DZIP3: variants seen among roughly 807,000 people sequenced by gnomAD.
DZIP3 encodes DAZ interacting zinc finger protein 3, also known as E3 ubiquitin-protein ligase DZIP3.
In DZIP3, 118 loss-of-function variants were observed where a neutral mutation model predicts 162.0. That is an observed-to-expected ratio of 0.73 (90% CI 0.63 to 0.85). The LOEUF is 0.85. DZIP3 is among the 40% of genes least tolerant of loss of function. The pLI, the probability that DZIP3 is intolerant of heterozygous loss-of-function variation, is 0.00. For missense variants in DZIP3, 1,331 were observed against 1,407.0 expected (o/e 0.95, Z 0.86); for synonymous variants, 438 against 458.6 (o/e 0.96, Z 0.57).
chr3:108,665,596 A>T (rs945932558), intron 21 of DZIP3, among the ~76,000 whole-genome samples: 2 of 152,196 alleles, frequency 1.3e-5, no homozygotes, highest in Non-Finnish European at 2.9e-5. Context: ...GATGAAATGT[A>T]TAAATTTACA....
intron 23 of DZIP3, 52 bp downstream of exon 23, chr3:108,672,708 G>A (rs551585264): frequency 7.4e-7 from 1 of 1,358,136 alleles, no homozygotes; most frequent in Non-Finnish European, 1.0e-6. Flanking sequence ...AGTTTTACTT[G>A]TATACCATCA....
At chr3:108,662,403 C>A in intron 21 of DZIP3, 146 bp downstream of exon 21, 1 of 1,036,910 alleles carries the variant, frequency 9.6e-7, no homozygotes, top group Non-Finnish European at 1.3e-6. Flanking sequence ...AAAAACCAAC[C>A]ATATTTTTGT....
At chr3:108,654,881 T>C (rs1365123741) in intron 19 of DZIP3, among the ~76,000 whole-genome samples, 1 of 152,180 alleles carries the variant, frequency 6.6e-6, no homozygotes, top group Non-Finnish European at 1.5e-5. Context: ...TTTTACCTAC[T>C]AATGAGAATT....
At chr3:108,633,547 T>C (rs1480029507) in intron 9 of DZIP3, among the ~76,000 whole-genome samples, 1 of 151,720 alleles carries the variant, frequency 6.6e-6, no homozygotes, top group Non-Finnish European at 1.5e-5. Context: ...TGAAGAAATT[T>C]AGCTATCAGA....
At chr3:108,654,453 G>A (rs1943019635) in intron 19 of DZIP3, 143 bp downstream of exon 19, 2 of 895,574 alleles carry the variant, frequency 2.2e-6, no homozygotes, top group Non-Finnish European at 3.5e-6. Context: ...AAGGTAAGGA[G>A]GGATATATGA....
In DZIP3 at chr3:108,605,693, T is replaced by C. The variant is rs1940312052; in HGVS notation, c.32+255T>C. 1.3e-5 allele frequency among the ~76,000 whole-genome samples: 2 copies of C among 152,176 alleles called. 1 individual carries two copies. Among genetic ancestry groups the C allele is most frequent in the South Asian group, 4.1e-4 (2 of 4,828 alleles). On this transcript the variant is annotated intron_variant, in intron 2 of 32. Transcript: ENST00000361582. Reference sequence around the variant, plus strand: ...AAGGTGGAGCTCAGGTGGTAATGCTTGCCCACTGCTCACTTCCTGCTTGCT... The same window carrying C: ...AAGGTGGAGCTCAGGTGGTAATGCTCGCCCACTGCTCACTTCCTGCTTGCT...
intron 27 of DZIP3, among the ~76,000 whole-genome samples, chr3:108,685,040 T>C (rs566772518): frequency 6.6e-6 from 1 of 152,310 alleles, no homozygotes; most frequent in Non-Finnish European, 1.5e-5. Context: ...TGCAATTAAT[T>C]GTTTCTTTTC....
chr3:108,610,294 A>G (rs984106682), intron 3 of DZIP3, among the ~76,000 whole-genome samples: 1 of 152,138 alleles, frequency 6.6e-6, no homozygotes, highest in Non-Finnish European at 1.5e-5. Context: ...TGGTTATTTT[A>G]TGTTTATATA....
intron 25 of DZIP3, 68 bp downstream of exon 25, chr3:108,675,941 A>G (rs1156982750): frequency 3.0e-6 from 4 of 1,335,112 alleles, no homozygotes; most frequent in African/African-American, 1.5e-5. Context: ...TAGAAGACAT[A>G]TTAGTAGAAA....
Position 108,644,156 on chromosome 3 carries a change from AT to A in DZIP3, c.1142-4del, listed in dbSNP as rs759803162. The A allele has an allele frequency of 4.4e-6, 7 of 1,578,024 alleles. No individual in the cohort carries two copies. Among genetic ancestry groups the A allele is most frequent in the Non-Finnish European group, 4.3e-6 (5 of 1,167,860 alleles). On this transcript the variant is annotated splice_polypyrimidine_tract_variant and splice_region_variant and intron_variant, in intron 13 of 32. Coordinates refer to ENST00000361582, the MANE Select transcript of DZIP3 (RefSeq NM_014648.4). Reference sequence around the variant, plus strand: ...GGAATGTCTTGACTTCTCAAAATTTATTTTCAGATGAAATGCCTATCTTCAA... The same window carrying A: ...GGAATGTCTTGACTTCTCAAAATTTATTTCAGATGAAATGCCTATCTTCAA...
intron 10 of DZIP3, among the ~76,000 whole-genome samples, chr3:108,635,858 C>T (rs866490760): frequency 6.6e-6 from 1 of 151,518 alleles, no homozygotes; most frequent in South Asian, 2.1e-4. Context: ...AACAGAAAAC[C>T]CGTTTAAAGC....
chr3:108,604,643 T>G (rs962844407), intron 1 of DZIP3, among the ~76,000 whole-genome samples: 10 of 152,222 alleles, frequency 6.6e-5, no homozygotes, highest in African/African-American at 2.4e-4. Context: ...GTGCAAGTGT[T>G]CTTTACATCC....
chr3:108,662,264 G>A lies in DZIP3; in HGVS notation c.2423+7G>A, dbSNP rs368072027. ...GAATCAATAAGGTTTCCAAGTAAGT[G>A]TAAATCTTTTGATAAAGGGAAATTC... On this transcript the variant is annotated splice_region_variant and intron_variant, in intron 21 of 32. Transcript: ENST00000361582. The A allele has an allele frequency of 1.3e-6, 2 of 1,577,512 alleles. No homozygotes were observed. Among genetic ancestry groups the A allele is most frequent in the Admixed American group, 2.1e-5 (1 of 48,752 alleles).
intron 21 of DZIP3, 39 bp downstream of exon 21, chr3:108,662,296 G>C (rs370077462): frequency 1.3e-5 from 20 of 1,548,008 alleles, no homozygotes; most frequent in African/African-American, 2.8e-5. Flanking sequence ...ATTCTGCGCC[G>C]TAATAAACAG....
chr3:108,635,645 ATAT>A (rs963678377), intron 10 of DZIP3, among the ~76,000 whole-genome samples: 2 of 147,144 alleles, frequency 1.4e-5, no homozygotes, highest in African/African-American at 4.9e-5. Flanking sequence ...AGTTATATAT[ATAT>A]TATAATATTA....
At chr3:108,640,341 A>C (rs3100642) in intron 12 of DZIP3, among the ~76,000 whole-genome samples, 2 of 146,652 alleles carry the variant, frequency 1.4e-5, no homozygotes, top group Non-Finnish European at 3.0e-5. Flanking sequence ...TCTACTGTCT[A>C]ATTGTATATC....
At chr3:108,619,277 TGTATGTGTGTGG>T (rs1326007614) in intron 5 of DZIP3, among the ~76,000 whole-genome samples, 2 of 150,618 alleles carry the variant, frequency 1.3e-5, no homozygotes, top group African/African-American at 4.9e-5. Context: ...GCTGTGTGTG[TGTATGTGTGTGG>T]GTATATGTGT....
chr3:108,675,502 G>A (rs1329464670), intron 24 of DZIP3, among the ~76,000 whole-genome samples: 1 of 151,864 alleles, frequency 6.6e-6, no homozygotes, highest in Non-Finnish European at 1.5e-5. Context: ...TCCTTACAAA[G>A]GTTTTATAAT....
At chr3:108,590,564 A>G (rs1035896925) in intron 1 of DZIP3, among the ~76,000 whole-genome samples, 1 of 152,228 alleles carries the variant, frequency 6.6e-6, no homozygotes, top group African/African-American at 2.4e-5. Context: ...AGAGCGTGTA[A>G]CATGGGTTAG....
Sources: allele counts gnomAD v4.1 joint callset (sites outside exome capture counted in the v4.1 genomes callset), GRCh38; gene constraint gnomAD v4.1.1; transcripts MANE v1.5; gene names NCBI Gene and HGNC (gene_info 2026-07-23, HGNC 2026-07-21).